LONRF1: variants seen among roughly 807,000 people sequenced by gnomAD.
The protein encoded by LONRF1 is LON peptidase N-terminal domain and ring finger 1, also known as LON peptidase N-terminal domain and RING finger protein 1.
Under a neutral mutation model 85.8 loss-of-function variants are expected in LONRF1, and 37 were observed. The ratio of observed to expected loss-of-function variants is 0.43; its 90% CI spans 0.33 to 0.57. LONRF1 has a LOEUF of 0.57. LONRF1 is among the 20% of genes least tolerant of loss of function. LONRF1 has a pLI of 0.04. For synonymous variants in LONRF1, 517 were observed against 390.1 expected, an observed-to-expected ratio of 1.33 and a Z score of -3.83; for missense variants, 1,036 against 978.0, an observed-to-expected ratio of 1.06 and a Z score of -0.79.
At chr8:12,735,185 G>GT (rs1301177539) in intron 7 of LONRF1, 101 bp downstream of exon 7, 1 of 735,278 alleles carries the variant, frequency 1.4e-6, no homozygotes, top group African/African-American at 1.8e-5. Flanking sequence ...AATATAGAAT[G>GT]TAATTCTGAA....
chr8:12,753,453 C>CA (rs903269457), intron 1 of LONRF1: 1 of 152,174 alleles, frequency 6.6e-6, no homozygotes, highest in Non-Finnish European at 1.5e-5. Context: ...ACGCGTAACA[C>CA]AAGGTTTATC....
At chr8:12,726,254 G>C (rs573503010) in intron 10 of LONRF1, among the ~76,000 whole-genome samples, 1 of 152,172 alleles carries the variant, frequency 6.6e-6, no homozygotes, top group Non-Finnish European at 1.5e-5. Context: ...ACAAAAAAGT[G>C]GATGATAGTT....
chr8:12,729,407 G>A (rs968874467), intron 8 of LONRF1, 75 bp from the exon 9 acceptor site: 2 of 1,432,746 alleles, frequency 1.4e-6, no homozygotes, highest in African/African-American at 2.8e-5. Context: ...AAATGAGTGA[G>A]GTTTATAACA....
chr8:12,729,296 C>T lies in LONRF1; in HGVS notation c.1725G>A (p.Met575Ile), dbSNP rs1798439270. 6.2e-7 allele frequency: 1 copy of T among 1,613,744 alleles called. No homozygotes were observed. The change falls in exon 9 of 12, where the codon ATG (methionine) becomes ATA (isoleucine). Residue 575 changes from methionine to isoleucine, a missense_variant. Physicochemically the swap from Met to Ile is conservative, Grantham distance 10. Transcript: ENST00000398246. ...GAGGGCAAGGCACAGTGGGGTAGGC[C>T]ATAGTGCAAACAAATATTGGAACAT... ...TKNVPIFVCT[M>I]AYPTVPCPLH...
chr8:12,722,710 GT>G lies in LONRF1; in HGVS notation c.*385del, dbSNP rs1297518309. 1 of 156,260 alleles carries G rather than the reference GT, an allele frequency of 6.4e-6. No individual in the cohort carries two copies. The highest frequency in any genetic ancestry group is 2.4e-5 in the African/African-American group (1 of 41,430). 9.7% of individuals were successfully genotyped at this position (156,260 alleles called of 1,614,324 possible). The stretch of plus-strand genomic sequence containing the variant: ...AAGTTCTGCTCTCTATGGCTTTTTT[GT>G]TTGTTTGTTTTAAAATTTTAAAGCC... On this transcript the variant is annotated 3_prime_UTR_variant, in exon 12 of 12. Coordinates refer to ENST00000398246, the MANE Select transcript of LONRF1 (RefSeq NM_152271.5).
At chr8:12,731,311 A>C (rs907926380) in intron 8 of LONRF1, among the ~76,000 whole-genome samples, 11 of 152,066 alleles carry the variant, frequency 7.2e-5, no homozygotes, top group African/African-American at 2.7e-4. Context: ...CTCAGATCTC[A>C]AAGTTTGGAA....
In LONRF1 at chr8:12,723,176, A is replaced by G. The variant is rs1160203837; in HGVS notation, c.2242T>C (p.Leu748=). 6.2e-7 allele frequency: 1 copy of G among 1,614,168 alleles called. No individual in the cohort carries two copies. Among genetic ancestry groups the G allele is most frequent in the Non-Finnish European group, 8.5e-7 (1 of 1,180,022 alleles). The change falls in exon 12 of 12, where the codon TTG becomes CTG. Residue 748 remains leucine, a synonymous_variant. Coordinates refer to ENST00000398246, the MANE Select transcript of LONRF1 (RefSeq NM_152271.5). ...PVDPRYQLSV[L]SMKSLKERLT... ...CGTTCTTTCAAAGACTTCATTGACA[A>G]AACCGACAGCTGGTATCGTGGGTCT...
rs764385751 is a variant in LONRF1 at position 12,754,937 on chromosome 8, G to T, written c.484C>A (p.Leu162Met). 11 of 1,488,966 alleles carry T rather than the reference G, an allele frequency of 7.4e-6. No individual in the cohort carries two copies. The South Asian group carries it at 1.4e-4, about 19-fold the overall frequency. 92.2% of individuals were successfully genotyped at this position (1,488,966 alleles called of 1,614,324 possible). The change falls in exon 1 of 12, where the codon CTG (leucine) becomes ATG (methionine). Residue 162 changes from leucine to methionine, a missense_variant. Physicochemically the swap from Leu to Met is conservative, Grantham distance 15. Coordinates refer to ENST00000398246, the MANE Select transcript of LONRF1 (RefSeq NM_152271.5). ...RARCRLCRDR[L>M]PPATASATDA... The stretch of plus-strand genomic sequence containing the variant: ...GTGGCACTGGCGGTGGCGGGCGGCA[G>T]CCGGTCCCGGCAGAGGCGGCAGCGG...
At chr8:12,730,480 T>A (rs1798486603) in intron 8 of LONRF1, among the ~76,000 whole-genome samples, 1 of 152,188 alleles carries the variant, frequency 6.6e-6, no homozygotes, top group Non-Finnish European at 1.5e-5. Flanking sequence ...AAATATGTGT[T>A]TTAAGAAACA....
At chr8:12,731,613 A>G in intron 8 of LONRF1, 123 bp downstream of exon 8, 1 of 792,492 alleles carries the variant, frequency 1.3e-6, no homozygotes, top group Non-Finnish European at 2.0e-6. Flanking sequence ...AGGACCACGG[A>G]AACAGACCAA....
intron 10 of LONRF1, among the ~76,000 whole-genome samples, chr8:12,727,548 T>C (rs1373757010): frequency 6.6e-6 from 1 of 152,128 alleles, no homozygotes; most frequent in Non-Finnish European, 1.5e-5. Flanking sequence ...ATATCTGTAA[T>C]ACTTTTAGAA....
intron 10 of LONRF1, among the ~76,000 whole-genome samples, chr8:12,727,724 T>C (rs1328720218): frequency 1.3e-5 from 2 of 152,228 alleles, no homozygotes; most frequent in Non-Finnish European, 2.9e-5. Flanking sequence ...TAGCAAGTGA[T>C]TCCATTAACC....
At chr8:12,725,111 T>G (rs1460793843) in intron 11 of LONRF1, among the ~76,000 whole-genome samples, 1 of 152,246 alleles carries the variant, frequency 6.6e-6, no homozygotes, top group Non-Finnish European at 1.5e-5. Context: ...GACCCTTCTT[T>G]TATGCCTCCT....
At chr8:12,732,849 C>T (rs1483949947) in intron 7 of LONRF1, among the ~76,000 whole-genome samples, 2 of 152,172 alleles carry the variant, frequency 1.3e-5, no homozygotes, top group Non-Finnish European at 2.9e-5. Context: ...ATGCCCAATA[C>T]ATATTTATTT....
At chr8:12,732,267 G>C (rs535709524) in intron 7 of LONRF1, among the ~76,000 whole-genome samples, 4 of 152,262 alleles carry the variant, frequency 2.6e-5, no homozygotes, top group Admixed American at 1.3e-4. Flanking sequence ...CCTTATTTAA[G>C]AAAAGCAAAA....
At position 12,740,966 on chromosome 8, in the gene LONRF1, C is replaced by G. The variant is rs770316883; in HGVS notation, c.871G>C (p.Asp291His). 1 of 1,613,544 alleles carries G rather than the reference C, an allele frequency of 6.2e-7. No individual in the cohort carries two copies. Among genetic ancestry groups the G allele is most frequent in the Non-Finnish European group, 8.5e-7 (1 of 1,179,582 alleles). ...VYFRKGKVLC[D>H]AGFLGDALQL... ...AAGGCATCACCTAAAAAACCAGCAT[C>G]GCAGAGTACTTTTCCTTTCCTGAAG... The change falls in exon 3 of 12, where the codon GAT (aspartate) becomes CAT (histidine). Residue 291 changes from aspartate (D) to histidine (H), a missense_variant. Asp to His is a moderately conservative substitution (Grantham distance 81). This residue lies in a region of LONRF1 where 742 missense variants were observed against 614.4 expected (regional missense o/e 1.21). Transcript: ENST00000398246.
intron 1 of LONRF1, among the ~76,000 whole-genome samples, chr8:12,749,531 C>G (rs1165631341): frequency 1.3e-5 from 2 of 152,066 alleles, no homozygotes; most frequent in Admixed American, 6.5e-5. Flanking sequence ...AATATTCCAA[C>G]AAACAGAAAA....
In LONRF1 at chr8:12,729,472, A is replaced by T; in HGVS notation, c.1689-140T>A. ...ATTAGTTCTAAATAAGGTGGTTTTT[A>T]TTCTTGGCAAGAACAAGAATCAGCA... On this transcript the variant is annotated intron_variant, in intron 8 of 11. Transcript: ENST00000398246. 8.8e-6 allele frequency: 7 copies of T among 797,016 alleles called. No homozygotes were observed. The East Asian group carries it at 1.9e-4, about 22-fold the overall frequency. The allele number at this position is 797,016 out of a possible 1,614,324, so 49.4% of individuals were successfully genotyped here. A position where few individuals can be genotyped will look rare whatever the true frequency, so the allele number is the denominator to read the frequency against.
intron 1 of LONRF1, among the ~76,000 whole-genome samples, chr8:12,744,867 T>C (rs1799083113): frequency 1.6e-5 from 1 of 62,708 alleles, no homozygotes; most frequent in South Asian, 4.6e-4. Context: ...AGCCCATTCT[T>C]GGATTTTTAT....
Sources: gnomAD v4.1 joint callset for allele counts (sites outside exome capture counted in the v4.1 genomes callset) on GRCh38, gnomAD v4.1.1 for gene constraint, gnomAD v4.1.1 regional missense constraint, MANE v1.5 for transcripts, NCBI Gene and HGNC (gene_info 2026-07-23, HGNC 2026-07-21) for gene names.